Variants in AKT1 observed in about 807,000 individuals in gnomAD.
AKT1 encodes RAC-alpha serine/threonine-protein kinase.
A neutral mutation model predicts 63.1 loss-of-function variants in AKT1; 21 were observed. The ratio of observed to expected loss-of-function variants is 0.33; its 90% CI spans 0.24 to 0.48. The LOEUF (loss-of-function observed/expected upper bound fraction) is 0.48, where lower values mean the gene tolerates loss of function less well. AKT1 is among the 20% of genes least tolerant of loss of function. AKT1 has a pLI of 0.99. For missense variants in AKT1, 382 were observed against 666.0 expected, an observed-to-expected ratio of 0.57 and a Z score of 4.69; for synonymous variants, 257 against 253.1, an observed-to-expected ratio of 1.02 and a Z score of -0.15.
chr14:104,793,772 A>C (rs1157232021), intron 1 of AKT1: 9 of 153,298 alleles, frequency 5.9e-5, no homozygotes, highest in African/African-American at 2.2e-4. Flanking sequence ...CCCAGTTCCC[A>C]CATCACCAAC....
At chr14:104,792,482 AG>A in intron 3 of AKT1, 115 bp downstream of exon 3, 1 of 1,236,760 alleles carries the variant, frequency 8.1e-7, no homozygotes, top group South Asian at 1.2e-5. Flanking sequence ...AGGCCAGCCC[AG>A]GAGCCCCAGG....
At chr14:104,788,513 G>C (rs181548693) in intron 3 of AKT1, among the ~76,000 whole-genome samples, 1 of 152,218 alleles carries the variant, frequency 6.6e-6, no homozygotes, top group Non-Finnish European at 1.5e-5. Flanking sequence ...CAGGATGAAG[G>C]GGAGTGGCCT....
At chr14:104,779,424 T>TCTTGCCCCCTCACCCAAGGGGTTTCC (rs1892903834) in intron 4 of AKT1, among the ~76,000 whole-genome samples, 1 of 152,204 alleles carries the variant, frequency 6.6e-6, no homozygotes, top group Non-Finnish European at 1.5e-5. Context: ...CCCAATGGAC[T>TCTTGCCCCCTCACCCAAGGGGTTTCC]CTTGCCCCCT....
chr14:104,792,156 C>A (rs879418940), intron 3 of AKT1, among the ~76,000 whole-genome samples: 3 of 152,174 alleles, frequency 2.0e-5, no homozygotes, highest in Non-Finnish European at 4.4e-5. Context: ...TGTGCCCAGG[C>A]GGTACGGATT....
intron 8 of AKT1, chr14:104,774,454 T>G: frequency 4.5e-6 from 1 of 220,786 alleles, no homozygotes; most frequent in Non-Finnish European, 9.1e-6. Flanking sequence ...CCTCCCGCCT[T>G]CCACCACAGG....
In AKT1 at chr14:104,770,772, T is replaced by C; in HGVS notation, c.1336A>G (p.Met446Val). 1 of 1,614,120 alleles carries C rather than the reference T, an allele frequency of 6.2e-7. No individual in the cohort carries two copies. Residue 446 changes from methionine (M) to valine (V), a missense_variant, in exon 14 of 15, where the codon ATG (methionine) becomes GTG (valine). Physicochemically the swap from Met to Val is conservative, Grantham distance 21 (BLOSUM62 1). This residue lies in a region of AKT1 where 90 missense variants were observed against 120.5 expected (regional missense o/e 0.75). Coordinates refer to ENST00000649815, the MANE Select transcript of AKT1 (RefSeq NM_001382430.1). ...RYFDEEFTAQ[M>V]ITITPPDQDD... ...TGGTCAGGTGGTGTGATGGTGATCA[T>C]CTGGGCCGTGAACTCCTCATCAAAA...
At chr14:104,784,716 C>T (rs973776802) in intron 3 of AKT1, among the ~76,000 whole-genome samples, 5 of 152,136 alleles carry the variant, frequency 3.3e-5, no homozygotes, top group African/African-American at 1.2e-4. Flanking sequence ...ACCCTCTCCA[C>T]GCCTCACACA....
At chr14:104,789,159 G>A (rs1893495173) in intron 3 of AKT1, among the ~76,000 whole-genome samples, 1 of 152,224 alleles carries the variant, frequency 6.6e-6, no homozygotes, top group Admixed American at 6.5e-5. Flanking sequence ...GAGTCCAGGT[G>A]GTGCCCCTGC....
At chr14:104,789,614 C>A (rs1256927000) in intron 3 of AKT1, among the ~76,000 whole-genome samples, 1 of 152,248 alleles carries the variant, frequency 6.6e-6, no homozygotes. Context: ...GGAGACTTCA[C>A]ACAACAGAAC....
At chr14:104,781,769 C>A (rs979612121) in intron 3 of AKT1, among the ~76,000 whole-genome samples, 1 of 152,206 alleles carries the variant, frequency 6.6e-6, no homozygotes, top group Non-Finnish European at 1.5e-5. Flanking sequence ...AGGCTGTTGT[C>A]AGGTCTGGGG....
At chr14:104,775,997 CCCAGGCTTAGCCCCCCAGCAG>C (rs1892681985) in intron 5 of AKT1, 198 bp from the exon 6 acceptor site, 2 of 613,296 alleles carry the variant, frequency 3.3e-6, no homozygotes, top group Non-Finnish European at 5.5e-6. Context: ...GTGGGGGACA[CCCAGGCTTAGCCCCCCAGCAG>C]GACTCTGTCC....
rs755597789 is a variant in AKT1, at chr14:104,770,816, G to A, written c.1292C>T (p.Ser431Leu). 8 of 1,614,010 alleles carry A rather than the reference G, an allele frequency of 5.0e-6. No homozygotes were observed. The highest frequency in any genetic ancestry group is 2.7e-5 in the African/African-American group (2 of 74,936). ...ATCAAAATACCTGGTGTCAGTCTCC[G>A]ACGTGACCTGGGGCTTGAAGGGTGG... ...LSPPFKPQVT[S>L]ETDTRYFDEE... is the part of the protein sequence containing the mutation. The change falls in exon 14 of 15, where the codon TCG becomes TTG. Residue 431 changes from serine (S) to leucine (L), a missense_variant. Physicochemically the swap from Ser to Leu is moderately radical, Grantham distance 145. This residue lies in a region of AKT1 where 90 missense variants were observed against 120.5 expected (regional missense o/e 0.75). Coordinates refer to ENST00000649815, the MANE Select transcript of AKT1 (RefSeq NM_001382430.1).
intron 3 of AKT1, among the ~76,000 whole-genome samples, chr14:104,784,506 C>T (rs1417068818): frequency 6.6e-6 from 1 of 152,192 alleles, no homozygotes; most frequent in Admixed American, 6.5e-5. Flanking sequence ...CCGGGTGGCC[C>T]TCCGGCAGGA....
chr14:104,784,503 G>A (rs974983888), intron 3 of AKT1, among the ~76,000 whole-genome samples: 1 of 152,168 alleles, frequency 6.6e-6, no homozygotes, highest in African/African-American at 2.4e-5. Flanking sequence ...GTCCCGGGTG[G>A]CCCTCCGGCA....
At chr14:104,784,181 G>A (rs1893217240) in intron 3 of AKT1, among the ~76,000 whole-genome samples, 1 of 152,194 alleles carries the variant, frequency 6.6e-6, no homozygotes, top group Non-Finnish European at 1.5e-5. Flanking sequence ...TTCTCTCAAG[G>A]CCAGCCCTGG....
At position 104,774,805 on chromosome 14, in the gene AKT1, T is replaced by A. The variant is rs557734371; in HGVS notation, c.633+133A>T. Reference sequence around the variant, plus strand: ...AGCCTGACCCTCCAGGGCAGGCCTGTCTCACCAGCGGCGGAGTCCACGGTG... The same window carrying A: ...AGCCTGACCCTCCAGGGCAGGCCTGACTCACCAGCGGCGGAGTCCACGGTG... On this transcript the variant is annotated intron_variant, in intron 8 of 14. Transcript: ENST00000649815. The A allele has an allele frequency of 2.8e-5, 28 of 1,000,786 alleles. No individual in the cohort carries two copies. The East Asian group carries it at 6.9e-4, about 25-fold the overall frequency. 62.0% of individuals were successfully genotyped at this position (1,000,786 alleles called of 1,614,324 possible). A position where few individuals can be genotyped will look rare whatever the true frequency, so the allele number is the denominator to read the frequency against.
chr14:104,788,614 G>A (rs1175014747), intron 3 of AKT1, among the ~76,000 whole-genome samples: 1 of 152,172 alleles, frequency 6.6e-6, no homozygotes, highest in Admixed American at 6.5e-5. Context: ...GTTCTATGTC[G>A]CTCACCAAAG....
In AKT1 at chr14:104,792,645, GT is replaced by G; in HGVS notation, c.-3del. The G allele has an allele frequency of 1.2e-6, 2 of 1,610,540 alleles. No individual in the cohort carries two copies. The highest frequency in any genetic ancestry group is 1.1e-5 in the South Asian group (1 of 91,088). On this transcript the variant is annotated 5_prime_UTR_variant, in exon 3 of 15. Coordinates refer to ENST00000649815, the MANE Select transcript of AKT1 (RefSeq NM_001382430.1). ...CTTCACAATAGCCACGTCGCTCATG[GT>G]GCCCGAGGCTCCCGCGACGCTCACG...
intron 4 of AKT1, among the ~76,000 whole-genome samples, chr14:104,779,417 A>G (rs1892903611): frequency 6.6e-6 from 1 of 152,162 alleles, no homozygotes; most frequent in Admixed American, 6.5e-5. Context: ...TGGAGACCCC[A>G]ATGGACTCTT....
Sources: allele counts gnomAD v4.1 joint callset (sites outside exome capture counted in the v4.1 genomes callset), GRCh38; gene constraint gnomAD v4.1.1; regional missense constraint gnomAD v4.1.1; transcripts MANE v1.5; gene names NCBI Gene and HGNC (gene_info 2026-07-23, HGNC 2026-07-21).